Variants in EPHA6 observed in about 807,000 individuals in gnomAD.
The protein encoded by EPHA6 is EPH receptor A6.
In EPHA6, 50 loss-of-function variants were observed where a neutral mutation model predicts 112.0. The observed-to-expected ratio is 0.45, with a 90% CI of 0.36 to 0.56. EPHA6 has a LOEUF of 0.56. Ranked by LOEUF, EPHA6 falls within the 20% of genes least tolerant of loss-of-function variation. The probability of loss-of-function intolerance (pLI) is 0.00; values close to 1 mark genes in which losing one functional copy is unlikely to be tolerated. For missense variants in EPHA6, 1,280 were observed against 1,417.4 expected (o/e 0.90, Z 1.56); for synonymous variants, 529 against 490.7 (o/e 1.08, Z -1.03).
At chr3:96,817,248 A>C (rs1013401726) in intron 1 of EPHA6, among the ~76,000 whole-genome samples, 1 of 151,898 alleles carries the variant, frequency 6.6e-6, no homozygotes, top group African/African-American at 2.4e-5. Flanking sequence ...GTGAGTAGAA[A>C]TTTTTCCTGA....
intron 3 of EPHA6, among the ~76,000 whole-genome samples, chr3:97,180,899 C>T (rs183435439): frequency 6.6e-5 from 10 of 152,104 alleles, no homozygotes; most frequent in Non-Finnish European, 7.4e-5. Flanking sequence ...CCCCCAACCC[C>T]ACCAGGCAAC....
chr3:97,528,842 G>A (rs1292455229), intron 10 of EPHA6, among the ~76,000 whole-genome samples: 2 of 152,278 alleles, frequency 1.3e-5, no homozygotes, highest in East Asian at 3.9e-4. Context: ...CCAACATCCA[G>A]GGAGATAGAT....
intron 2 of EPHA6, among the ~76,000 whole-genome samples, chr3:96,888,368 T>C (rs967404504): frequency 6.6e-6 from 1 of 151,652 alleles, no homozygotes; most frequent in African/African-American, 2.4e-5. Flanking sequence ...CCAGTTGGGG[T>C]GTATGTTGGG....
intron 11 of EPHA6, among the ~76,000 whole-genome samples, chr3:97,554,474 A>T (rs1180224782): frequency 6.6e-6 from 1 of 152,150 alleles, no homozygotes; most frequent in Non-Finnish European, 1.5e-5. Flanking sequence ...TAACTGAACA[A>T]CTAGAATCCT....
chr3:97,541,575 C>A (rs1247582662), intron 11 of EPHA6, among the ~76,000 whole-genome samples: 2 of 152,122 alleles, frequency 1.3e-5, no homozygotes, highest in African/African-American at 4.8e-5. Flanking sequence ...TCCCACACTG[C>A]ATTTTGTTAT....
chr3:96,998,752 A>T (rs982375072), intron 3 of EPHA6, among the ~76,000 whole-genome samples: 20 of 151,786 alleles, frequency 1.3e-4, no homozygotes, highest in African/African-American at 4.8e-4. Flanking sequence ...AGAAAGAGAG[A>T]GACAGAGAAA....
At chr3:97,581,503 A>G (rs972535875) in intron 11 of EPHA6, among the ~76,000 whole-genome samples, 5 of 152,262 alleles carry the variant, frequency 3.3e-5, no homozygotes, top group Non-Finnish European at 7.3e-5. Flanking sequence ...AAGATACATG[A>G]AAAGAAATAC....
At chr3:97,580,270 T>C (rs1349906194) in intron 11 of EPHA6, among the ~76,000 whole-genome samples, 1 of 152,232 alleles carries the variant, frequency 6.6e-6, no homozygotes, top group Non-Finnish European at 1.5e-5. Flanking sequence ...TCTAAGAAGC[T>C]ATAATCATTC....
At chr3:97,638,167 T>C (rs1251840533) in intron 14 of EPHA6, 85 bp downstream of exon 14, 1 of 966,834 alleles carries the variant, frequency 1.0e-6, no homozygotes. Context: ...TCTGCCTTCC[T>C]AATTTTCTGC....
intron 15 of EPHA6, among the ~76,000 whole-genome samples, chr3:97,733,360 C>A (rs2035121723): frequency 6.6e-6 from 1 of 152,022 alleles, no homozygotes; most frequent in African/African-American, 2.4e-5. Context: ...TTTATGAGAT[C>A]ATTTTTGGAC....
At chr3:96,898,748 G>A (rs2038422450) in intron 2 of EPHA6, among the ~76,000 whole-genome samples, 1 of 152,038 alleles carries the variant, frequency 6.6e-6, no homozygotes, top group Non-Finnish European at 1.5e-5. Flanking sequence ...ACAGGAATTT[G>A]GCCGGGCGCG....
intron 3 of EPHA6, among the ~76,000 whole-genome samples, chr3:97,005,413 C>G (rs139164622): frequency 2.0e-5 from 3 of 151,846 alleles, no homozygotes; most frequent in African/African-American, 7.3e-5. Flanking sequence ...TTTGACTCTC[C>G]GCTTGCCTAT....
At chr3:97,701,098 T>G (rs1303095684) in intron 14 of EPHA6, among the ~76,000 whole-genome samples, 1 of 152,172 alleles carries the variant, frequency 6.6e-6, no homozygotes, top group African/African-American at 2.4e-5. Flanking sequence ...AAACAATTTT[T>G]GTACTAGGCA....
chr3:96,875,375 G>A (rs997166691), intron 2 of EPHA6, among the ~76,000 whole-genome samples: 3 of 151,972 alleles, frequency 2.0e-5, no homozygotes, highest in Admixed American at 6.6e-5. Flanking sequence ...TTTAATACTC[G>A]AGCAACTATG....
At chr3:97,007,737 G>A (rs2107929414) in intron 3 of EPHA6, among the ~76,000 whole-genome samples, 1 of 152,266 alleles carries the variant, frequency 6.6e-6, no homozygotes, top group South Asian at 2.1e-4. Context: ...GCAGTGGCAG[G>A]TACCAGTTTT....
chr3:97,565,263 AG>A (rs2093247576), intron 11 of EPHA6, among the ~76,000 whole-genome samples: 1 of 152,234 alleles, frequency 6.6e-6, no homozygotes, highest in Non-Finnish European at 1.5e-5. Context: ...ATTAGCCCCA[AG>A]AAAAAAAAAA....
chr3:97,510,436 G>T (rs1183926079), intron 10 of EPHA6, among the ~76,000 whole-genome samples: 1 of 152,204 alleles, frequency 6.6e-6, no homozygotes, highest in Non-Finnish European at 1.5e-5. Context: ...CCTTCTAGCA[G>T]TCAGGCCCCT....
At chr3:97,260,211 T>C (rs1263138300) in intron 5 of EPHA6, among the ~76,000 whole-genome samples, 6 of 152,186 alleles carry the variant, frequency 3.9e-5, no homozygotes, top group Admixed American at 1.3e-4. Flanking sequence ...CTAGTGGAGC[T>C]TTACCCTAAA....
chr3:97,575,100 C>T (rs1327892366), intron 11 of EPHA6, among the ~76,000 whole-genome samples: 8 of 152,012 alleles, frequency 5.3e-5, no homozygotes, highest in African/African-American at 1.4e-4. Context: ...GAGAGTGATA[C>T]TATCTGTGTT....
Sources: allele counts gnomAD v4.1 joint callset (sites outside exome capture counted in the v4.1 genomes callset), GRCh38; gene constraint gnomAD v4.1.1; transcripts MANE v1.5; gene names NCBI Gene and HGNC (gene_info 2026-07-23, HGNC 2026-07-21).